The following PDE10A variants were observed in gnomAD, a reference collection of about 807,000 sequenced individuals.
The protein encoded by PDE10A is cAMP and cAMP-inhibited cGMP 3',5'-cyclic phosphodiesterase 10A.
Under a neutral mutation model 97.7 loss-of-function variants are expected in PDE10A, and 39 were observed. The observed-to-expected ratio is 0.40, with a 90% CI of 0.31 to 0.52. The LOEUF (loss-of-function observed/expected upper bound fraction) is 0.52, where lower values mean the gene tolerates loss of function less well. PDE10A is among the 20% of genes least tolerant of loss of function. PDE10A has a pLI of 0.56. For synonymous variants in PDE10A, 371 were observed against 376.8 expected, an observed-to-expected ratio of 0.98 and a Z score of 0.18; for missense variants, 731 against 1,047.8, an observed-to-expected ratio of 0.70 and a Z score of 4.17.
chr6:165,554,951 T>C (rs1184000884), intron 1 of PDE10A, among the ~76,000 whole-genome samples: 1 of 152,142 alleles, frequency 6.6e-6, no homozygotes, highest in African/African-American at 2.4e-5. Context: ...CATTTATTTG[T>C]GGGATCTAAA....
rs553647599 is a variant in PDE10A, at chr6:165,624,248, G to A, written c.865+37699C>T. 3.9e-5 allele frequency among the ~76,000 whole-genome samples: 6 copies of A among 152,260 alleles called. No individual in the cohort carries two copies. In the South Asian group the frequency reaches 1.2e-3, roughly 32 times the overall value. On this transcript the variant is annotated intron_variant, in intron 1 of 21. Coordinates refer to ENST00000539869, the MANE Select transcript of PDE10A (RefSeq NM_001385079.1). ...TGGGCTGGCCCTGGCACACTCTCCA[G>A]CATCTGGTCTCTCTCGCTCCCCACC...
intron 1 of PDE10A, among the ~76,000 whole-genome samples, chr6:165,959,404 T>A (rs368938228): frequency 2.6e-5 from 4 of 152,180 alleles, no homozygotes; most frequent in African/African-American, 9.7e-5. Flanking sequence ...TTTGTGAACA[T>A]ATAGGAAAAG....
chr6:165,891,961 TTTA>T (rs201263654), intron 1 of PDE10A, among the ~76,000 whole-genome samples: 126 of 65,238 alleles, frequency 1.9e-3, no homozygotes, highest in East Asian at 3.7e-3. Context: ...TTTTTTTTTT[TTTA>T]ATGTGATGAA....
intron 13 of PDE10A, 25 bp from the exon 14 acceptor site, chr6:165,396,484 A>AC: frequency 6.4e-7 from 1 of 1,565,870 alleles, no homozygotes; most frequent in East Asian, 2.2e-5. Context: ...CAAAAAAAAA[A>AC]CCCCCAAAAT....
chr6:165,459,558 C>CAGACAGAT (rs1308629311), intron 3 of PDE10A, among the ~76,000 whole-genome samples: 1 of 93,634 alleles, frequency 1.1e-5, no homozygotes, highest in Non-Finnish European at 2.6e-5. Context: ...GACAGACAGA[C>CAGACAGAT]AGATAGATAG....
At chr6:165,336,330 C>A (rs1359489379) in intron 20 of PDE10A, 119 bp from the exon 21 acceptor site, 2 of 696,336 alleles carry the variant, frequency 2.9e-6, no homozygotes, top group East Asian at 5.4e-5. Flanking sequence ...ATTGCATGTT[C>A]TAGTTTTGCT....
At chr6:165,851,358 C>T (rs1780567453) in intron 1 of PDE10A, among the ~76,000 whole-genome samples, 1 of 152,202 alleles carries the variant, frequency 6.6e-6, no homozygotes, top group African/African-American at 2.4e-5. Flanking sequence ...TGGTTCTGCC[C>T]ACTTGAAAAA....
chr6:165,663,261 ACGCCGCCGC>A (rs376739819), upstream of PDE10A, among the ~76,000 whole-genome samples: 132 of 150,286 alleles, frequency 8.8e-4, 3 homozygotes, highest in South Asian at 0.022. Context: ...GGCGCTCCCC[ACGCCGCCGC>A]CGCCGCCGCC....
intron 1 of PDE10A, among the ~76,000 whole-genome samples, chr6:165,920,291 A>C (rs1782719035): frequency 1.3e-5 from 2 of 152,222 alleles, no homozygotes; most frequent in Admixed American, 1.3e-4. Context: ...GATCAAGGGC[A>C]TACATTTAGT....
chr6:165,446,504 C>T (rs1790858127), intron 5 of PDE10A, among the ~76,000 whole-genome samples: 1 of 151,926 alleles, frequency 6.6e-6, no homozygotes, highest in Non-Finnish European at 1.5e-5. Flanking sequence ...GCATAAAGGG[C>T]AAAATAGAGT....
At chr6:165,372,435 C>A (rs1456453832) in intron 18 of PDE10A, among the ~76,000 whole-genome samples, 2 of 129,700 alleles carry the variant, frequency 1.5e-5, no homozygotes, top group East Asian at 2.2e-4. Flanking sequence ...ACACCAATAA[C>A]AGACAAACAG....
intron 19 of PDE10A, among the ~76,000 whole-genome samples, chr6:165,339,635 G>A (rs1030701420): frequency 2.6e-5 from 4 of 152,092 alleles, no homozygotes; most frequent in African/African-American, 4.8e-5. Flanking sequence ...ATAATAAGAG[G>A]AGATACAGTA....
chr6:165,645,507 A>G (rs1789349174), intron 1 of PDE10A, among the ~76,000 whole-genome samples: 4 of 152,168 alleles, frequency 2.6e-5, no homozygotes, highest in Admixed American at 1.3e-4. Flanking sequence ...CAGACACGCA[A>G]GCACATTAAA....
chr6:165,466,004 C>A (rs1778627542), intron 3 of PDE10A, among the ~76,000 whole-genome samples: 1 of 152,176 alleles, frequency 6.6e-6, no homozygotes, highest in East Asian at 1.9e-4. Flanking sequence ...ACAGAACGAT[C>A]ATGGCTGATT....
chr6:165,353,223 T>A (rs1782811006), intron 18 of PDE10A, among the ~76,000 whole-genome samples: 1 of 152,206 alleles, frequency 6.6e-6, no homozygotes, highest in South Asian at 2.1e-4. Context: ...GAATTCTCAT[T>A]CATTGCTGGT....
intron 1 of PDE10A, among the ~76,000 whole-genome samples, chr6:165,934,152 C>CTTTTTTTTT (rs778137427): frequency 3.7e-5 from 4 of 109,170 alleles, no homozygotes; most frequent in Non-Finnish European, 7.3e-5. Flanking sequence ...CCTGGCTGAT[C>CTTTTTTTTT]TTTTTTTTTT....
In PDE10A at chr6:165,493,622, T is replaced by C. The variant is rs912065950; in HGVS notation, c.995-11279A>G. ...TATTCAACAAACAGTGCTGGGATAA[T>C]TGTAGAAGAATGAAACTGGATCCTC... On this transcript the variant is annotated intron_variant, in intron 2 of 21. Transcript: ENST00000539869. 3.3e-5 allele frequency among the ~76,000 whole-genome samples: 5 copies of C among 151,056 alleles called. No individual in the cohort carries two copies. In the South Asian group the frequency reaches 6.2e-4, roughly 19 times the overall value.
At chr6:165,475,882 C>A (rs1165665122) in intron 3 of PDE10A, among the ~76,000 whole-genome samples, 2 of 152,164 alleles carry the variant, frequency 1.3e-5, no homozygotes, top group Non-Finnish European at 2.9e-5. Flanking sequence ...TTTGTTTCAA[C>A]CAACCTAGAG....
At position 165,644,141 on chromosome 6, in the gene PDE10A, C is replaced by T. The variant is rs149701334; in HGVS notation, c.865+17806G>A. ...CGTGATCTTGGCTCACTGCAAGCTC[C>T]GCCTCCCGGGTTCATGCCATTGTCC... On this transcript the variant is annotated intron_variant, in intron 1 of 21. Transcript: ENST00000539869. Among the ~76,000 whole-genome samples the T allele has an allele frequency of 1.2e-3, 177 of 152,210 alleles. No homozygotes were observed. The East Asian group carries it at 0.025, about 22-fold the overall frequency.
Sources: allele counts gnomAD v4.1 joint callset (sites outside exome capture counted in the v4.1 genomes callset), GRCh38; gene constraint gnomAD v4.1.1; transcripts MANE v1.5; gene names NCBI Gene and HGNC (gene_info 2026-07-23, HGNC 2026-07-21).